The following TFCP2L1 variants were observed in gnomAD, a reference collection of about 807,000 sequenced individuals.
TFCP2L1 encodes transcription factor CP2-like protein 1.
In TFCP2L1, 12 loss-of-function variants were observed where a neutral mutation model predicts 72.2. The observed-to-expected ratio is 0.17, with a 90% CI of 0.11 to 0.27. TFCP2L1 has a LOEUF of 0.27. TFCP2L1 is among the 10% of genes least tolerant of loss of function. The pLI, the probability that TFCP2L1 is intolerant of heterozygous loss-of-function variation, is 1.00. For missense variants in TFCP2L1, 488 were observed against 624.6 expected, an observed-to-expected ratio of 0.78 and a Z score of 2.33; for synonymous variants, 260 against 251.0, an observed-to-expected ratio of 1.04 and a Z score of -0.34.
intron 1 of TFCP2L1, 80 bp from the exon 2 acceptor site, chr2:121,281,351 G>T: frequency 1.3e-6 from 2 of 1,483,334 alleles, no homozygotes; most frequent in South Asian, 1.3e-5. Flanking sequence ...CTAGAGAGAC[G>T]ACGCAGACCA....
intron 2 of TFCP2L1, among the ~76,000 whole-genome samples, chr2:121,254,254 C>A (rs1019374508): frequency 1.3e-5 from 2 of 152,210 alleles, no homozygotes; most frequent in East Asian, 1.9e-4. Context: ...AGTTAAGACA[C>A]ATTCTTGCCC....
At chr2:121,272,470 T>C (rs199534822) in intron 2 of TFCP2L1, among the ~76,000 whole-genome samples, 39 of 152,252 alleles carry the variant, frequency 2.6e-4, no homozygotes, top group African/African-American at 8.7e-4. Context: ...CAGGGTTATG[T>C]CCCTCGTGTG....
intron 2 of TFCP2L1, among the ~76,000 whole-genome samples, chr2:121,272,239 C>T (rs1426321430): frequency 3.3e-5 from 5 of 152,152 alleles, no homozygotes; most frequent in Admixed American, 2.0e-4. Context: ...AAGATGGGAA[C>T]GACGCATCTT....
intron 1 of TFCP2L1, among the ~76,000 whole-genome samples, chr2:121,283,356 TAG>T (rs2104776364): frequency 6.6e-6 from 1 of 152,222 alleles, no homozygotes; most frequent in African/African-American, 2.4e-5. Flanking sequence ...ACCCTCCCTC[TAG>T]AGTCAGGGGA....
At chr2:121,232,618 C>T (rs556986714) in intron 12 of TFCP2L1, among the ~76,000 whole-genome samples, 2 of 152,332 alleles carry the variant, frequency 1.3e-5, no homozygotes, top group African/African-American at 4.8e-5. Flanking sequence ...TGTCCCTTTT[C>T]AGCTCTTTTT....
chr2:121,282,921 C>T (rs1302716901), intron 1 of TFCP2L1, among the ~76,000 whole-genome samples: 2 of 152,160 alleles, frequency 1.3e-5, no homozygotes, highest in African/African-American at 2.4e-5. Flanking sequence ...GTGTGGGCCT[C>T]CCCCGTCACC....
chr2:121,237,763 G>T (rs780101722), intron 9 of TFCP2L1, 39 bp downstream of exon 9: 3 of 1,613,910 alleles, frequency 1.9e-6, no homozygotes, highest in Non-Finnish European at 2.5e-6. Context: ...CAGGGCCCAC[G>T]AGGGACCACC....
At chr2:121,235,336 C>T (rs371957662) in intron 10 of TFCP2L1, 25 bp from the exon 11 acceptor site, 2 of 1,612,734 alleles carry the variant, frequency 1.2e-6, no homozygotes, top group Non-Finnish European at 1.7e-6. Context: ...AACGGGGATG[C>T]CTGTTACATG....
chr2:121,268,416 C>T (rs934218055), intron 2 of TFCP2L1, among the ~76,000 whole-genome samples: 2 of 151,940 alleles, frequency 1.3e-5, no homozygotes, highest in African/African-American at 2.4e-5. Flanking sequence ...TGCAGTGGCA[C>T]GATCTCGGCT....
intron 1 of TFCP2L1, 87 bp from the exon 2 acceptor site, chr2:121,281,358 A>C (rs1687257003): frequency 6.8e-7 from 1 of 1,460,682 alleles, no homozygotes; most frequent in East Asian, 2.4e-5. Context: ...GACGACGCAG[A>C]CCACCGGGGC....
intron 2 of TFCP2L1, among the ~76,000 whole-genome samples, chr2:121,273,792 C>T (rs7563166): frequency 0.084 from 12,771 of 152,190 alleles, 1,299 homozygotes; most frequent in East Asian, 0.3. Flanking sequence ...GCAGGCTTTT[C>T]AATTAACGAA....
chr2:121,244,792 C>G (rs1033978828), intron 6 of TFCP2L1, among the ~76,000 whole-genome samples: 12 of 152,312 alleles, frequency 7.9e-5, no homozygotes, highest in Admixed American at 1.3e-4. Context: ...GGGGCCAAGG[C>G]TGGCAGAGCA....
Position 121,285,176 on chromosome 2 carries a change from C to G in TFCP2L1, c.-67G>C, listed in dbSNP as rs1278793758. 1 of 1,318,648 alleles carries G rather than the reference C, an allele frequency of 7.6e-7. No individual in the cohort carries two copies. The highest frequency in any genetic ancestry group is 1.5e-5 in the African/African-American group (1 of 64,600). The allele number at this position is 1,318,648 out of a possible 1,614,324, so 81.7% of individuals were successfully genotyped here. A position where few individuals can be genotyped will look rare whatever the true frequency, so the allele number is the denominator to read the frequency against. On this transcript the variant is annotated 5_prime_UTR_variant, in exon 1 of 15. Coordinates refer to ENST00000263707, the MANE Select transcript of TFCP2L1 (RefSeq NM_014553.3). The stretch of plus-strand genomic sequence containing the variant: ...CGCAGACGCGGGGCGCGCCGAGGAC[C>G]CAGCGGCGGCTTCGCGCTCCGAACC...
At chr2:121,278,018 C>A (rs1687179609) in intron 2 of TFCP2L1, among the ~76,000 whole-genome samples, 1 of 147,640 alleles carries the variant, frequency 6.8e-6, no homozygotes, top group Non-Finnish European at 1.5e-5. Flanking sequence ...AGAGGTAACT[C>A]CTTTTTCTCT....
intron 2 of TFCP2L1, among the ~76,000 whole-genome samples, chr2:121,266,934 A>G (rs1233215454): frequency 3.4e-5 from 5 of 148,140 alleles, no homozygotes; most frequent in Non-Finnish European, 7.5e-5. Flanking sequence ...TATTTTTGAG[A>G]TGGAGTCTCA....
At chr2:121,235,453 A>G in intron 10 of TFCP2L1, 142 bp from the exon 11 acceptor site, 1 of 765,490 alleles carries the variant, frequency 1.3e-6, no homozygotes, top group Non-Finnish European at 2.2e-6. Flanking sequence ...GAAAATGGCA[A>G]AATGCTCAAC....
At position 121,224,252 on chromosome 2, in the gene TFCP2L1, T is replaced by C. The variant is rs539557257; in HGVS notation, c.*89A>G. The stretch of plus-strand genomic sequence containing the variant: ...TCCCTCCTGGCCTCAGCTTGCCTGG[T>C]GAGGCCACAGCTTACAGTGGGGCAA... On this transcript the variant is annotated 3_prime_UTR_variant, in exon 15 of 15. Transcript: ENST00000263707. The C allele has an allele frequency of 1.1e-4, 163 of 1,513,024 alleles. 2 individuals carry two copies. In the South Asian group the frequency reaches 1.8e-3, roughly 17 times the overall value. The allele number at this position is 1,513,024 out of a possible 1,614,324, so 93.7% of individuals were successfully genotyped here. A position where few individuals can be genotyped will look rare whatever the true frequency, so the allele number is the denominator to read the frequency against.
Position 121,236,098 on chromosome 2 carries a change from G to A in TFCP2L1, c.1004-787C>T, listed in dbSNP as rs149001364. 3.0e-3 allele frequency among the ~76,000 whole-genome samples: 452 copies of A among 152,288 alleles called. 2 individuals carry two copies. The highest frequency in any genetic ancestry group is 0.021 in the East Asian group (108 of 5,186). ...TGTGGAATGTAGTCAGAGTGTTCATGCCCGTTATTACCTATCATTGTGTGA... is the reference window on the plus strand; with the variant it reads ...TGTGGAATGTAGTCAGAGTGTTCATACCCGTTATTACCTATCATTGTGTGA... On this transcript the variant is annotated intron_variant, in intron 10 of 14. Transcript: ENST00000263707.
intron 14 of TFCP2L1, 117 bp from the exon 15 acceptor site, chr2:121,224,504 G>A: frequency 5.2e-6 from 5 of 964,112 alleles, no homozygotes; most frequent in Non-Finnish European, 6.4e-6. Flanking sequence ...AAATAGGGCT[G>A]CATACAGCAA....
Sources: gnomAD v4.1 joint callset for allele counts (sites outside exome capture counted in the v4.1 genomes callset) on GRCh38, gnomAD v4.1.1 for gene constraint, MANE v1.5 for transcripts, NCBI Gene and HGNC (gene_info 2026-07-23, HGNC 2026-07-21) for gene names.